BRDT: variants seen among roughly 807,000 people sequenced by gnomAD.
BRDT encodes bromodomain testis associated.
Under a neutral mutation model 113.9 loss-of-function variants are expected in BRDT, and 77 were observed. The ratio of observed to expected loss-of-function variants is 0.68; its 90% CI spans 0.56 to 0.82. The LOEUF is 0.82. Among genes scored for constraint, BRDT ranks in the 40% least tolerant of loss-of-function variants. The pLI is 0.00. For synonymous variants in BRDT, 358 were observed against 366.5 expected (o/e 0.98, Z 0.26); for missense variants, 1,027 against 1,105.4 (o/e 0.93, Z 1.01).
At chr1:91,953,073 A>G (rs918014582) in intron 1 of BRDT, among the ~76,000 whole-genome samples, 20 of 151,822 alleles carry the variant, frequency 1.3e-4, no homozygotes, top group African/African-American at 4.8e-4. Flanking sequence ...TTTACATTAG[A>G]TATTTCTCCT....
chr1:91,956,554 G>A (rs1043294289), intron 1 of BRDT, among the ~76,000 whole-genome samples: 1 of 152,050 alleles, frequency 6.6e-6, no homozygotes, highest in Admixed American at 6.6e-5. Context: ...TTAAGTTTTG[G>A]GTAATTTAAA....
chr1:91,994,982 A>G (rs976162244), intron 15 of BRDT, among the ~76,000 whole-genome samples: 4 of 152,060 alleles, frequency 2.6e-5, no homozygotes, highest in African/African-American at 9.7e-5. Flanking sequence ...AACTTGGGCT[A>G]GAAATACTTG....
intron 1 of BRDT, among the ~76,000 whole-genome samples, chr1:91,951,025 C>CAA (rs199913164): frequency 2.2e-3 from 150 of 67,518 alleles, no homozygotes; most frequent in Admixed American, 5.9e-3. Context: ...GACTCCGTCT[C>CAA]AAAAAAAAAA....
At chr1:92,004,677 C>T in intron 17 of BRDT, 58 bp downstream of exon 17, 4 of 1,394,324 alleles carry the variant, frequency 2.9e-6, no homozygotes, top group Non-Finnish European at 3.9e-6. Context: ...ATTTTAAATA[C>T]ATTAAATTTC....
At chr1:91,985,090 A>G (rs1261275129) in intron 12 of BRDT, among the ~76,000 whole-genome samples, 4 of 151,800 alleles carry the variant, frequency 2.6e-5, no homozygotes, top group Non-Finnish European at 4.4e-5. Flanking sequence ...TATTTTATTT[A>G]TTGTGTTTTG....
chr1:92,013,967 C>T (rs1688014416), intron 18 of BRDT, among the ~76,000 whole-genome samples: 1 of 151,890 alleles, frequency 6.6e-6, no homozygotes, highest in Non-Finnish European at 1.5e-5. Context: ...TCTTAGTGTT[C>T]TTGTAGGTTT....
At chr1:91,959,106 C>CAT (rs201728966) in intron 1 of BRDT, among the ~76,000 whole-genome samples, 362 of 152,042 alleles carry the variant, frequency 2.4e-3, no homozygotes, top group African/African-American at 8.2e-3. Context: ...AATAAATACA[C>CAT]ATATATATAT....
chr1:91,960,954 A>G (rs1682380796), intron 1 of BRDT, among the ~76,000 whole-genome samples: 2 of 152,244 alleles, frequency 1.3e-5, no homozygotes, highest in African/African-American at 4.8e-5. Flanking sequence ...AAAATATTTT[A>G]TTCTAGATGT....
At position 91,977,306 on chromosome 1, in the gene BRDT, C is replaced by G; in HGVS notation, c.882C>G (p.Pro294=). 1 of 1,614,022 alleles carries G rather than the reference C, an allele frequency of 6.2e-7. No homozygotes were observed. The highest frequency in any genetic ancestry group is 8.5e-7 in the Non-Finnish European group (1 of 1,179,996). Residue 294 remains proline (P), a synonymous_variant, in exon 6 of 19, where the codon CCC becomes CCG. Coordinates refer to ENST00000399546, the MANE Select transcript of BRDT (RefSeq NM_207189.4). ...LAKKHFSYAW[P]FYNPVDVNAL... ...AGAAACATTTTTCATATGCATGGCC[C>G]TTTTATAATCCTGTTGACGTTAATG... is the stretch of plus-strand genomic sequence containing the variant.
Position 91,981,309 on chromosome 1 carries a change from A to G in BRDT, c.1792A>G (p.Lys598Glu). 1 of 1,614,194 alleles carries G rather than the reference A, an allele frequency of 6.2e-7. No homozygotes were observed. The highest frequency in any genetic ancestry group is 8.5e-7 in the Non-Finnish European group (1 of 1,180,024). Residue 598 changes from lysine to glutamate, a missense_variant, in exon 11 of 19, where the codon AAA (lysine) becomes GAA (glutamate). Coordinates refer to ENST00000399546, the MANE Select transcript of BRDT (RefSeq NM_207189.4). ...GTCCAAAGAAGAACTTCACTCACAG[A>G]AAAAACAGGAATTGGAAAAGCGGTT... ...MMSKEELHSQ[K>E]KQELEKRLLD...
intron 18 of BRDT, among the ~76,000 whole-genome samples, chr1:92,011,303 C>CA (rs1296290554): frequency 6.6e-6 from 1 of 152,134 alleles, no homozygotes; most frequent in Non-Finnish European, 1.5e-5. Flanking sequence ...AACATACTAG[C>CA]AAATAGCCAC....
chr1:92,013,275 T>A (rs6681152), intron 18 of BRDT, among the ~76,000 whole-genome samples: 17 of 151,304 alleles, frequency 1.1e-4, no homozygotes, highest in African/African-American at 3.7e-4. Flanking sequence ...AAGAAGTATT[T>A]TTTTGTCTCT....
Position 91,991,189 on chromosome 1 carries a change from T to A in BRDT, c.2008T>A (p.Phe670Ile). The change falls in exon 13 of 19, where the codon TTC becomes ATC. Residue 670 changes from phenylalanine to isoleucine, a missense_variant. Coordinates refer to ENST00000399546, the MANE Select transcript of BRDT (RefSeq NM_207189.4). ...SDSSDSESEM[F>I]PKFTEVKPND... ...TTATGTGTATACATTTGCAGAAATG[T>A]TCCCTAAGTTTACAGAAGTAAAACC... The A allele has an allele frequency of 6.5e-7, 1 of 1,527,770 alleles. No individual in the cohort carries two copies. Among genetic ancestry groups the A allele is most frequent in the Non-Finnish European group, 9.0e-7 (1 of 1,116,530 alleles). 94.6% of individuals were successfully genotyped at this position (1,527,770 alleles called of 1,614,324 possible). A position where few individuals can be genotyped will look rare whatever the true frequency, so the allele number is the denominator to read the frequency against.
chr1:91,967,936 A>G (rs187333619), intron 3 of BRDT, among the ~76,000 whole-genome samples: 8 of 152,340 alleles, frequency 5.3e-5, no homozygotes, highest in African/African-American at 9.6e-5. Context: ...CTGAAGGAGT[A>G]GGATGCTAGA....
Position 91,951,965 on chromosome 1 carries a change from C to CTG in BRDT, c.-38+2283_-38+2284insTG, listed in dbSNP as rs1681141636. The stretch of plus-strand genomic sequence containing the variant: ...TTGGGAGGCCAAGGTCAGAGGATCG[C>CTG]CTGAGTTCAGGAGTTTGAGACCAGC... On this transcript the variant is annotated intron_variant, in intron 1 of 18. Coordinates refer to ENST00000399546, the MANE Select transcript of BRDT (RefSeq NM_207189.4). 3.3e-5 allele frequency among the ~76,000 whole-genome samples: 5 copies of CTG among 152,232 alleles called. No homozygotes were observed. In the South Asian group the frequency reaches 1.0e-3, roughly 32 times the overall value.
intron 4 of BRDT, among the ~76,000 whole-genome samples, chr1:91,972,628 T>G (rs574321739): frequency 1.1e-3 from 171 of 152,280 alleles, no homozygotes; most frequent in African/African-American, 3.9e-3. Flanking sequence ...GACTTAGGGG[T>G]GACCAAAACA....
At chr1:91,970,932 A>C (rs528960280) in intron 4 of BRDT, among the ~76,000 whole-genome samples, 198 of 147,998 alleles carry the variant, frequency 1.3e-3, no homozygotes, top group African/African-American at 4.7e-3. Context: ...AAAAAAAAAG[A>C]AAAGGAAAGA....
intron 1 of BRDT, among the ~76,000 whole-genome samples, chr1:91,959,784 A>G (rs888485056): frequency 6.6e-6 from 1 of 152,164 alleles, no homozygotes; most frequent in African/African-American, 2.4e-5. Context: ...CACCCAGCCT[A>G]TGACTTTTAT....
chr1:91,977,469 A>C (rs1684263527), intron 6 of BRDT, 76 bp downstream of exon 6: 3 of 1,224,240 alleles, frequency 2.5e-6, no homozygotes, highest in Non-Finnish European at 3.4e-6. Flanking sequence ...GAAATCTTAA[A>C]ATCTAGAAAA....
Sources: gnomAD v4.1 joint callset for allele counts (sites outside exome capture counted in the v4.1 genomes callset) on GRCh38, gnomAD v4.1.1 for gene constraint, MANE v1.5 for transcripts, NCBI Gene and HGNC (gene_info 2026-07-23, HGNC 2026-07-21) for gene names.